Variants in DIP2C observed in about 807,000 individuals in gnomAD.
DIP2C encodes the protein disco-interacting protein 2 homolog C.
In DIP2C, 33 loss-of-function variants were observed where a neutral mutation model predicts 192.4. That is an observed-to-expected ratio of 0.17 (90% confidence interval 0.13 to 0.23). DIP2C has a LOEUF of 0.23. Ranked by LOEUF, DIP2C falls within the 10% of genes least tolerant of loss-of-function variation. The pLI, the probability that DIP2C is intolerant of heterozygous loss-of-function variation, is 1.00. For synonymous variants in DIP2C, 979 were observed against 864.1 expected (o/e 1.13, Z -2.33); for missense variants, 1,537 against 2,110.1 (o/e 0.73, Z 5.32).
chr10:310,365 G>A (rs1292590154), intron 31 of DIP2C, among the ~76,000 whole-genome samples: 1 of 152,184 alleles, frequency 6.6e-6, no homozygotes, highest in Non-Finnish European at 1.5e-5. Context: ...GCCACGCACT[G>A]TGCCAAAAAA....
intron 1 of DIP2C, among the ~76,000 whole-genome samples, chr10:517,271 T>C (rs1441699251): frequency 2.0e-5 from 3 of 152,312 alleles, no homozygotes; most frequent in African/African-American, 7.2e-5. Flanking sequence ...ATTTACTTAC[T>C]GCCCAGAACA....
intron 1 of DIP2C, among the ~76,000 whole-genome samples, chr10:614,473 G>A (rs1455245744): frequency 2.6e-5 from 4 of 152,180 alleles, no homozygotes; most frequent in African/African-American, 9.7e-5. Context: ...CATGCAGCCT[G>A]GCTGCAGCCA....
chr10:360,651 C>T lies in DIP2C; in HGVS notation c.2794+1839G>A, dbSNP rs532974686. Among the ~76,000 whole-genome samples, 10 of 152,312 alleles carry T rather than the reference C, an allele frequency of 6.6e-5. No individual in the cohort carries two copies. In the South Asian group the frequency reaches 1.0e-3, roughly 16 times the overall value. On this transcript the variant is annotated intron_variant, in intron 22 of 36. Coordinates refer to ENST00000280886, the MANE Select transcript of DIP2C (RefSeq NM_014974.3). ...TCCTGCTATTCGGGGGCAATATTCC[C>T]AGGGACCTTTAAAGCTGTGGAATTG...
At chr10:511,882 A>G (rs776982299) in intron 1 of DIP2C, among the ~76,000 whole-genome samples, 5 of 152,266 alleles carry the variant, frequency 3.3e-5, no homozygotes, top group African/African-American at 1.2e-4. Flanking sequence ...GTGTGACACG[A>G]TAACACCGTG....
intron 1 of DIP2C, among the ~76,000 whole-genome samples, chr10:510,094 C>A (rs992538626): frequency 2.6e-5 from 4 of 152,240 alleles, no homozygotes; most frequent in Non-Finnish European, 1.5e-5. Flanking sequence ...AGGGAGTTAT[C>A]TGTAGCAATC....
intron 1 of DIP2C, among the ~76,000 whole-genome samples, chr10:643,180 T>G (rs1324985268): frequency 5.7e-5 from 8 of 139,134 alleles, no homozygotes; most frequent in African/African-American, 1.7e-4. Flanking sequence ...ATCGCGCCAC[T>G]GCACTCCAGC....
At chr10:628,895 C>T (rs1407455993) in intron 1 of DIP2C, 1 of 152,428 alleles carries the variant, frequency 6.6e-6, no homozygotes, top group East Asian at 1.9e-4. Context: ...CCCCCAGCCC[C>T]AGGTGAGAAC....
At chr10:686,354 TG>T (rs1831335951) in intron 1 of DIP2C, among the ~76,000 whole-genome samples, 1 of 150,408 alleles carries the variant, frequency 6.6e-6, no homozygotes, top group South Asian at 2.1e-4. Context: ...TCCCCCCACG[TG>T]GTCTCCCCAC....
intron 7 of DIP2C, among the ~76,000 whole-genome samples, chr10:414,438 C>T (rs1564679260): frequency 6.6e-6 from 1 of 152,108 alleles, no homozygotes; most frequent in Admixed American, 6.5e-5. Flanking sequence ...TTTCCATTAC[C>T]AACATCAGCT....
intron 1 of DIP2C, among the ~76,000 whole-genome samples, chr10:681,708 C>T (rs1432907294): frequency 1.3e-5 from 2 of 152,248 alleles, no homozygotes; most frequent in African/African-American, 4.8e-5. Context: ...GGAATGCAGA[C>T]CCCAGTCTCT....
chr10:335,251 TGTACAA>T (rs1265389013), intron 29 of DIP2C, among the ~76,000 whole-genome samples: 2 of 152,228 alleles, frequency 1.3e-5, no homozygotes, highest in African/African-American at 4.8e-5. Context: ...TTATAGAAAA[TGTACAA>T]GTACGTTTAA....
chr10:549,534 G>A lies in DIP2C; in HGVS notation c.86-63004C>T, dbSNP rs539358666. ...AGTGACCCATACAGCCTGCTTGGGC[G>A]CCAGTGACTCCTGGGAAACAGCCAA... is the stretch of plus-strand genomic sequence containing the variant. On this transcript the variant is annotated intron_variant, in intron 1 of 36. Coordinates refer to ENST00000280886, the MANE Select transcript of DIP2C (RefSeq NM_014974.3). Among the ~76,000 whole-genome samples, 18 of 152,244 alleles carry A rather than the reference G, an allele frequency of 1.2e-4. No homozygotes were observed. In the South Asian group the frequency reaches 1.2e-3, roughly 11 times the overall value.
chr10:313,698 GT>G (rs1183111863), intron 31 of DIP2C, among the ~76,000 whole-genome samples: 2 of 152,208 alleles, frequency 1.3e-5, no homozygotes, highest in Non-Finnish European at 2.9e-5. Flanking sequence ...CTGGAAACCT[GT>G]CCCCCATTGA....
At chr10:575,404 G>C (rs1328135009) in intron 1 of DIP2C, among the ~76,000 whole-genome samples, 4 of 152,168 alleles carry the variant, frequency 2.6e-5, no homozygotes, top group Non-Finnish European at 5.9e-5. Flanking sequence ...TACACGAGGG[G>C]AGCAGTGAGA....
intron 10 of DIP2C, among the ~76,000 whole-genome samples, chr10:391,899 C>A (rs1259153127): frequency 1.3e-5 from 2 of 152,116 alleles, no homozygotes; most frequent in African/African-American, 4.8e-5. Flanking sequence ...TTTAAAATTT[C>A]AAAGCTGTAG....
At chr10:458,991 CAAAAAAA>C (rs35681631) in intron 3 of DIP2C, among the ~76,000 whole-genome samples, 1 of 102,736 alleles carries the variant, frequency 9.7e-6, no homozygotes, top group Non-Finnish European at 2.1e-5. Flanking sequence ...TCAACTTTTT[CAAAAAAA>C]AAAAAAAAAA....
chr10:299,292 C>A (rs1021261201), intron 32 of DIP2C, among the ~76,000 whole-genome samples: 5 of 152,188 alleles, frequency 3.3e-5, no homozygotes, highest in African/African-American at 1.2e-4. Context: ...TAATCTATAG[C>A]CTCTCTTCCA....
chr10:463,957 A>T (rs893540441), intron 3 of DIP2C, among the ~76,000 whole-genome samples: 1 of 152,196 alleles, frequency 6.6e-6, no homozygotes, highest in African/African-American at 2.4e-5. Flanking sequence ...GAAAACTGAA[A>T]CTGGACCCCT....
chr10:543,480 A>G (rs1177213288), intron 1 of DIP2C, among the ~76,000 whole-genome samples: 2 of 152,248 alleles, frequency 1.3e-5, no homozygotes, highest in African/African-American at 2.4e-5. Flanking sequence ...TCTGGGTAAG[A>G]GGAAAGTGCT....
Sources: gnomAD v4.1 joint callset for allele counts (sites outside exome capture counted in the v4.1 genomes callset) on GRCh38, gnomAD v4.1.1 for gene constraint, MANE v1.5 for transcripts, NCBI Gene and HGNC (gene_info 2026-07-23, HGNC 2026-07-21) for gene names.